IL11: variants seen among roughly 807,000 people sequenced by gnomAD.
IL11 encodes interleukin-11.
Under a neutral mutation model 18.1 loss-of-function variants are expected in IL11, and 17 were observed. The ratio of observed to expected loss-of-function variants is 0.94; its 90% CI spans 0.64 to 1.41. IL11 has a LOEUF of 1.41. IL11 is among the 40% of genes most tolerant of loss of function. The pLI is 0.00. For synonymous variants in IL11, 144 were observed against 134.1 expected (o/e 1.07, Z -0.51); for missense variants, 309 against 262.8 (o/e 1.18, Z -1.22).
chr19:55,366,807 C>T lies in IL11; in HGVS notation c.430-630G>A, dbSNP rs1299637589. On this transcript the variant is annotated intron_variant, in intron 4 of 4. Coordinates refer to ENST00000264563, the MANE Select transcript of IL11 (RefSeq NM_000641.4). This position sits in a 1 kb window ranked among gnomAD's most constrained non-coding sequence, Gnocchi z 4.6. The stretch of plus-strand genomic sequence containing the variant: ...AGCCTGGGCAACAGAGCGCGAGACT[C>T]TGTCTCCAAAAAATAATAATAATAA... 6.6e-6 allele frequency among the ~76,000 whole-genome samples: 1 copy of T among 152,070 alleles called. No homozygotes were observed. The highest frequency in any genetic ancestry group is 2.4e-5 in the African/African-American group (1 of 41,406).
rs2089774767 is a variant in IL11, at chr19:55,364,756, G to A, written c.*1251C>T. The A allele has an allele frequency of 6.6e-6, 1 of 152,108 alleles. No homozygotes were observed. The highest frequency in any genetic ancestry group is 2.4e-5 in the African/African-American group (1 of 41,402). The allele number at this position is 152,108 out of a possible 1,614,324, so 9.4% of individuals were successfully genotyped here. A position where few individuals can be genotyped will look rare whatever the true frequency, so the allele number is the denominator to read the frequency against. ...TCGCTTCGTCCTCCCAAAGTGCCAG[G>A]ATTACAGGCGTGAGCCACCATGCCT... is the stretch of plus-strand genomic sequence containing the variant. On this transcript the variant is annotated 3_prime_UTR_variant, in exon 5 of 5. Transcript: ENST00000264563.
In IL11 at chr19:55,369,059, C is replaced by A; in HGVS notation, c.8-118G>T. ...ACTGGGGTCTGGACTCCTCCTGGGT[C>A]TGAGGGAGGAGAGGCTGGGGGCCTG... On this transcript the variant is annotated intron_variant, in intron 1 of 4. Coordinates refer to ENST00000264563, the MANE Select transcript of IL11 (RefSeq NM_000641.4). This position sits in a 1 kb window ranked among gnomAD's most constrained non-coding sequence, Gnocchi z 6.1. 1 of 853,340 alleles carries A rather than the reference C, an allele frequency of 1.2e-6. No individual in the cohort carries two copies. Among genetic ancestry groups the A allele is most frequent in the Non-Finnish European group, 1.7e-6 (1 of 592,834 alleles). 52.9% of individuals were successfully genotyped at this position (853,340 alleles called of 1,614,324 possible).
Position 55,368,312 on chromosome 19 carries a change from C to T in IL11, c.327G>A (p.Gln109=). 4 of 1,592,234 alleles carry T rather than the reference C, an allele frequency of 2.5e-6. No individual in the cohort carries two copies. Among genetic ancestry groups the T allele is most frequent in the Non-Finnish European group, 2.6e-6 (3 of 1,168,652 alleles). Residue 109 remains glutamine (Q), a synonymous_variant, in exon 4 of 5, where the codon CAG becomes CAA. Coordinates refer to ENST00000264563, the MANE Select transcript of IL11 (RefSeq NM_000641.4). Reference sequence around the variant, plus strand: ...AAGAGCCACCTGCCCGGCGCAGCCACTGCACGTGCCGCAGGTAGGACAGTA... The same window carrying T: ...AAGAGCCACCTGCCCGGCGCAGCCATTGCACGTGCCGCAGGTAGGACAGTA... The part of the protein sequence containing the change: ...ADLLSYLRHV[Q]WLRRAGGSSL...
rs2089807555 is a variant in IL11, at chr19:55,369,403, C to T, written c.8-462G>A. 6.6e-6 allele frequency among the ~76,000 whole-genome samples: 1 copy of T among 151,932 alleles called. No homozygotes were observed. The highest frequency in any genetic ancestry group is 2.4e-5 in the African/African-American group (1 of 41,402). ...GCACAGGCCAGAACCTGCCCCCTCC[C>T]CGGGCCGCGGGAGCCCGAGCTGGCT... is the stretch of plus-strand genomic sequence containing the variant. On this transcript the variant is annotated intron_variant, in intron 1 of 4. Transcript: ENST00000264563. The surrounding 1 kb of genome is among the most constrained non-coding windows in gnomAD (Gnocchi z 6.1).
At position 55,369,411 on chromosome 19, in the gene IL11, C is replaced by T. The variant is rs1479801208; in HGVS notation, c.8-470G>A. ...CAGAACCTGCCCCCTCCCCGGGCCGCGGGAGCCCGAGCTGGCTGGGAGCAG... is the reference window on the plus strand; with the variant it reads ...CAGAACCTGCCCCCTCCCCGGGCCGTGGGAGCCCGAGCTGGCTGGGAGCAG... On this transcript the variant is annotated intron_variant, in intron 1 of 4. Transcript: ENST00000264563. This position sits in a 1 kb window ranked among gnomAD's most constrained non-coding sequence, Gnocchi z 6.1. 6.6e-6 allele frequency among the ~76,000 whole-genome samples: 1 copy of T among 151,466 alleles called. No homozygotes were observed. Among genetic ancestry groups the T allele is most frequent in the Non-Finnish European group, 1.5e-5 (1 of 67,774 alleles).
chr19:55,366,749 T>C lies in IL11; in HGVS notation c.430-572A>G, dbSNP rs1267042653. ...ATCGCTTGAGCCCAGGAGGCGGAGG[T>C]TCCAGCGAGCCGAAATGGCACCATT... On this transcript the variant is annotated intron_variant, in intron 4 of 4. Transcript: ENST00000264563. This position sits in a 1 kb window ranked among gnomAD's most constrained non-coding sequence, Gnocchi z 4.6. Among the ~76,000 whole-genome samples, 28 of 151,378 alleles carry C rather than the reference T, an allele frequency of 1.8e-4. 1 individual carries two copies.
At position 55,365,787 on chromosome 19, in the gene IL11, C is replaced by T. The variant is rs1049160008; in HGVS notation, c.*220G>A. 2.2e-5 allele frequency: 14 copies of T among 646,104 alleles called. No individual in the cohort carries two copies. Among genetic ancestry groups the T allele is most frequent in the Non-Finnish European group, 3.3e-5 (13 of 399,736 alleles). The allele number at this position is 646,104 out of a possible 1,614,324, so 40.0% of individuals were successfully genotyped here. A position where few individuals can be genotyped will look rare whatever the true frequency, so the allele number is the denominator to read the frequency against. On this transcript the variant is annotated 3_prime_UTR_variant, in exon 5 of 5. Transcript: ENST00000264563. ...AAGAATCCGGGACCCCAGTCCCCTCCTCCTCGGGGACCCAGGAGTCCACCT... is the reference window on the plus strand; with the variant it reads ...AAGAATCCGGGACCCCAGTCCCCTCTTCCTCGGGGACCCAGGAGTCCACCT...
In IL11 at chr19:55,369,831, C is replaced by G. The variant is rs1159835490; in HGVS notation, c.7+473G>C. On this transcript the variant is annotated intron_variant, in intron 1 of 4. Coordinates refer to ENST00000264563, the MANE Select transcript of IL11 (RefSeq NM_000641.4). The surrounding 1 kb of genome is among the most constrained non-coding windows in gnomAD (Gnocchi z 6.1). ...ATCTGCCCGGCTCTCCCCGCTTTCC[C>G]CCCGCGCCCAGTCTCTCTCCTCCCC... is the stretch of plus-strand genomic sequence containing the variant. Among the ~76,000 whole-genome samples the G allele has an allele frequency of 6.6e-6, 1 of 151,978 alleles. No homozygotes were observed. The highest frequency in any genetic ancestry group is 2.4e-5 in the African/African-American group (1 of 41,432).
rs1465245507 is a variant in IL11, at chr19:55,368,260, C to G, written c.379G>C (p.Gly127Arg). Reference protein sequence around the residue: ...SSLKTLEPELGTLQARLDRLL... With the variant: ...SSLKTLEPELRTLQARLDRLL... ...CGGTCCAGTCGGGCCTGCAGGGTGC[C>G]CAGCTCGGGCTCCAGGGTCTTCAGG... The change falls in exon 4 of 5, where the codon GGC becomes CGC. Residue 127 changes from glycine to arginine, a missense_variant. Physicochemically the swap from Gly to Arg is moderately radical, Grantham distance 125 (BLOSUM62 -2). Coordinates refer to ENST00000264563, the MANE Select transcript of IL11 (RefSeq NM_000641.4). 6 of 1,549,906 alleles carry G rather than the reference C, an allele frequency of 3.9e-6. No individual in the cohort carries two copies. The African/African-American group carries it at 8.2e-5, about 21-fold the overall frequency.
In IL11 at chr19:55,368,303, G is replaced by A; in HGVS notation, c.336C>T (p.Arg112=). Residue 112 remains arginine (R), a synonymous_variant, in exon 4 of 5, where the codon CGC becomes CGT. Coordinates refer to ENST00000264563, the MANE Select transcript of IL11 (RefSeq NM_000641.4). ...LSYLRHVQWL[R]RAGGSSLKTL... is the part of the protein sequence containing the mutation. ...TCTTCAGGGAAGAGCCACCTGCCCG[G>A]CGCAGCCACTGCACGTGCCGCAGGT... 1.9e-6 allele frequency: 3 copies of A among 1,581,900 alleles called. No individual in the cohort carries two copies. Among genetic ancestry groups the A allele is most frequent in the Non-Finnish European group, 2.6e-6 (3 of 1,163,226 alleles).
At chr19:55,368,078 T>G in intron 4 of IL11, 132 bp downstream of exon 4, 1 of 734,122 alleles carries the variant, frequency 1.4e-6, no homozygotes, top group African/African-American at 1.8e-5. Context: ...GAGCGGGCTG[T>G]TAGGGTGTCA....
chr19:55,368,155 AT>A, intron 4 of IL11, 54 bp downstream of exon 4: 1 of 1,446,142 alleles, frequency 6.9e-7, no homozygotes, highest in Non-Finnish European at 9.2e-7. Context: ...AGGCCACAGG[AT>A]TTTGGGGCCA....
intron 2 of IL11, 85 bp downstream of exon 2, chr19:55,368,684 A>C: frequency 6.7e-7 from 1 of 1,493,626 alleles, no homozygotes; most frequent in South Asian, 1.3e-5. Flanking sequence ...AGAGCCCAGA[A>C]CCCCTCCAAG....
At position 55,366,055 on chromosome 19, in the gene IL11, T is replaced by A; in HGVS notation, c.552A>T (p.Thr184=). The A allele has an allele frequency of 1.2e-6, 2 of 1,601,910 alleles. No homozygotes were observed. Among genetic ancestry groups the A allele is most frequent in the Non-Finnish European group, 1.7e-6 (2 of 1,175,502 alleles). Residue 184 remains threonine, a synonymous_variant, in exon 5 of 5, where the codon ACA becomes ACT. Transcript: ENST00000264563. The surrounding 1 kb of genome is among the most constrained non-coding windows in gnomAD (Gnocchi z 4.6). ...AHAILGGLHL[T]LDWAVRGLLL... ...GCAGTCCCCTCACGGCCCAGTCAAG[T>A]GTCAGGTGCAGCCCCCCCAGGATGG...
At position 55,368,237 on chromosome 19, in the gene IL11, G is replaced by A. The variant is rs1005633961; in HGVS notation, c.402C>T (p.Asp134=). 7.8e-6 allele frequency: 12 copies of A among 1,539,608 alleles called. No individual in the cohort carries two copies. The highest frequency in any genetic ancestry group is 6.9e-5 in the African/African-American group (5 of 72,748). ...GGAGCTGCAGCCGGCGCAGCAGCCG[G>A]TCCAGTCGGGCCTGCAGGGTGCCCA... ...PELGTLQARL[D]RLLRRLQLLM... Residue 134 remains aspartate, a synonymous_variant, in exon 4 of 5, where the codon GAC becomes GAT. Transcript: ENST00000264563.
Position 55,369,301 on chromosome 19 carries a change from G to A in IL11, c.8-360C>T, listed in dbSNP as rs2089806705. On this transcript the variant is annotated intron_variant, in intron 1 of 4. Transcript: ENST00000264563. The surrounding 1 kb of genome is among the most constrained non-coding windows in gnomAD (Gnocchi z 6.1). ...CGTCGGAGCAGACGCGGCCCGGGGCGGGTAGACGGGCCGGGCGTCTCCCGT... is the reference window on the plus strand; with the variant it reads ...CGTCGGAGCAGACGCGGCCCGGGGCAGGTAGACGGGCCGGGCGTCTCCCGT... The A allele has an allele frequency of 1.2e-5, 2 of 172,392 alleles. No individual in the cohort carries two copies. The highest frequency in any genetic ancestry group is 2.4e-5 in the African/African-American group (1 of 42,426). The allele number at this position is 172,392 out of a possible 1,614,324, so 10.7% of individuals were successfully genotyped here.
rs1009570228 is a variant in IL11, at chr19:55,370,426, G to C, written c.-116C>G. ...GGTCAGCTGGGCCGCGGCCTGGGGA[G>C]GGGAGGCATGTGCCCTGAGCAGCAG... On this transcript the variant is annotated 5_prime_UTR_variant, in exon 1 of 5. Coordinates refer to ENST00000264563, the MANE Select transcript of IL11 (RefSeq NM_000641.4). The C allele has an allele frequency of 8.4e-5, 63 of 752,542 alleles. No homozygotes were observed. The African/African-American group carries it at 1.1e-3, about 13-fold the overall frequency. 46.6% of individuals were successfully genotyped at this position (752,542 alleles called of 1,614,324 possible).
Position 55,364,883 on chromosome 19 carries a change from C to T in IL11, c.*1124G>A, listed in dbSNP as rs1402236187. 1 of 152,250 alleles carries T rather than the reference C, an allele frequency of 6.6e-6. No homozygotes were observed. The highest frequency in any genetic ancestry group is 1.9e-4 in the East Asian group (1 of 5,198). The allele number at this position is 152,250 out of a possible 1,614,324, so 9.4% of individuals were successfully genotyped here. A position where few individuals can be genotyped will look rare whatever the true frequency, so the allele number is the denominator to read the frequency against. ...GGGCGGCTGGGTGGCGTTCTATCCACAGATGCACCATGTTGCTTAACCCTC... is the reference window on the plus strand; with the variant it reads ...GGGCGGCTGGGTGGCGTTCTATCCATAGATGCACCATGTTGCTTAACCCTC... On this transcript the variant is annotated 3_prime_UTR_variant, in exon 5 of 5. Transcript: ENST00000264563.
chr19:55,369,648 G>A lies in IL11; in HGVS notation c.7+656C>T, dbSNP rs1172871438. Among the ~76,000 whole-genome samples the A allele has an allele frequency of 1.6e-5, 2 of 128,884 alleles. No individual in the cohort carries two copies. The highest frequency in any genetic ancestry group is 3.2e-5 in the Non-Finnish European group (2 of 62,260). The allele number at this position is 128,884 out of a possible 152,430, so 84.6% of individuals were successfully genotyped here. ...GGGCGCGGGGGGCGCGGGGGGCGCGGGGGTCCGGAGCTCGCTCCCCGCAGC... is the reference window on the plus strand; with the variant it reads ...GGGCGCGGGGGGCGCGGGGGGCGCGAGGGTCCGGAGCTCGCTCCCCGCAGC... On this transcript the variant is annotated intron_variant, in intron 1 of 4. Transcript: ENST00000264563. This position sits in a 1 kb window ranked among gnomAD's most constrained non-coding sequence, Gnocchi z 6.1.
Sources: gnomAD v4.1 joint callset for allele counts (sites outside exome capture counted in the v4.1 genomes callset) on GRCh38, gnomAD v4.1.1 for gene constraint, Gnocchi (gnomAD v3.1) non-coding constraint, MANE v1.5 for transcripts, NCBI Gene and HGNC (gene_info 2026-07-23, HGNC 2026-07-21) for gene names.